The following ZFHX3 variants were observed in gnomAD, a reference collection of about 807,000 sequenced individuals.
ZFHX3 encodes the protein zinc finger homeobox 3.
Under a neutral mutation model 279.1 loss-of-function variants are expected in ZFHX3, and 42 were observed. That is an observed-to-expected ratio of 0.15 (90% CI 0.12 to 0.19). The LOEUF is 0.19. Among genes scored for constraint, ZFHX3 ranks in the 10% least tolerant of loss-of-function variants. The probability of loss-of-function intolerance (pLI) is 1.00; values close to 1 mark genes in which losing one functional copy is unlikely to be tolerated. For missense variants in ZFHX3, 4,981 were observed against 4,754.0 expected, an observed-to-expected ratio of 1.05 and a Z score of -1.40; for synonymous variants, 2,293 against 1,957.8, an observed-to-expected ratio of 1.17 and a Z score of -4.52.
intron 5 of ZFHX3, among the ~76,000 whole-genome samples, chr16:72,813,757 T>C (rs2036527601): frequency 6.6e-6 from 1 of 152,186 alleles, no homozygotes; most frequent in African/African-American, 2.4e-5. Context: ...GACGGCTGGA[T>C]GTTTAATGTG....
At chr16:73,189,103 C>T (rs1967976334) in intron 5 of ZFHX3, among the ~76,000 whole-genome samples, 1 of 152,138 alleles carries the variant, frequency 6.6e-6, no homozygotes, top group African/African-American at 2.4e-5. Flanking sequence ...ACCTTGTGAT[C>T]CACCCAGTTC....
chr16:73,227,066 A>G (rs1417255479), intron 5 of ZFHX3, among the ~76,000 whole-genome samples: 1 of 152,154 alleles, frequency 6.6e-6, no homozygotes, highest in Non-Finnish European at 1.5e-5. Flanking sequence ...TTGCTTTTAC[A>G]CTTTCTGGGA....
chr16:73,067,196 G>A (rs898931861), intron 8 of ZFHX3, among the ~76,000 whole-genome samples: 1 of 152,144 alleles, frequency 6.6e-6, no homozygotes, highest in African/African-American at 2.4e-5. Context: ...ATTCTGTCTG[G>A]GAAGAAAAAA....
intron 8 of ZFHX3, among the ~76,000 whole-genome samples, chr16:73,082,959 G>A (rs1488969263): frequency 6.6e-6 from 1 of 151,038 alleles, no homozygotes; most frequent in African/African-American, 2.5e-5. Flanking sequence ...CGAGGTGGAC[G>A]GATTACTTGA....
In ZFHX3 at chr16:73,189,529, G is replaced by A. The variant is rs534555071; in HGVS notation, c.-1103-45698C>T. Among the ~76,000 whole-genome samples the A allele has an allele frequency of 5.3e-5, 8 of 152,274 alleles. No individual in the cohort carries two copies. The South Asian group carries it at 6.2e-4, about 12-fold the overall frequency. ...TAATTTCCATGGTTCTAAATATGCC[G>A]GCTGCTTATAAAGCAGAAGATTGAT... On this transcript the variant is annotated intron_variant, in intron 5 of 17. Coordinates refer to the ZFHX3 transcript ENST00000641206.
chr16:73,677,885 TA>T (rs1319909927), intron 2 of ZFHX3, among the ~76,000 whole-genome samples: 2 of 151,980 alleles, frequency 1.3e-5, no homozygotes, highest in African/African-American at 4.8e-5. Flanking sequence ...TTCTGGTACA[TA>T]AGGATGAATT....
intron 3 of ZFHX3, among the ~76,000 whole-genome samples, chr16:72,948,874 C>A (rs1401013691): frequency 6.6e-6 from 1 of 152,200 alleles, no homozygotes; most frequent in Non-Finnish European, 1.5e-5. Flanking sequence ...GTTCAGACCT[C>A]CAATTTAAAC....
intron 5 of ZFHX3, among the ~76,000 whole-genome samples, chr16:73,230,942 A>T (rs868661620): frequency 6.6e-5 from 10 of 152,336 alleles, no homozygotes; most frequent in Middle Eastern, 6.8e-3. Flanking sequence ...CTCACTCTAG[A>T]TAGCTATCTC....
intron 1 of ZFHX3, among the ~76,000 whole-genome samples, chr16:73,740,293 T>A (rs142517311): frequency 6.6e-6 from 1 of 152,038 alleles, no homozygotes; most frequent in Non-Finnish European, 1.5e-5. Context: ...TTAACTACCA[T>A]CAAAAACATG....
chr16:73,638,904 T>C (rs2052550482), intron 2 of ZFHX3, among the ~76,000 whole-genome samples: 2 of 152,146 alleles, frequency 1.3e-5, no homozygotes, highest in African/African-American at 4.8e-5. Context: ...GGTCTTGGGG[T>C]ATGGCTTTAA....
chr16:73,619,345 G>A (rs1007737700), intron 2 of ZFHX3, among the ~76,000 whole-genome samples: 3 of 151,722 alleles, frequency 2.0e-5, no homozygotes, highest in Middle Eastern at 3.4e-3. Context: ...AAAATTAGCC[G>A]GGCATGGTGG....
At chr16:73,034,461 C>T (rs756826528) in intron 1 of ZFHX3, among the ~76,000 whole-genome samples, 1 of 152,168 alleles carries the variant, frequency 6.6e-6, no homozygotes, top group Non-Finnish European at 1.5e-5. Context: ...CTAGCCAAAC[C>T]GGAAGCCTGT....
chr16:72,995,937 C>T (rs955621857), intron 1 of ZFHX3, among the ~76,000 whole-genome samples: 21 of 152,220 alleles, frequency 1.4e-4, no homozygotes, highest in Non-Finnish European at 2.9e-4. Flanking sequence ...GCTCAGGAGG[C>T]ACTGTCCTAT....
At chr16:73,658,670 T>A (rs978864292) in intron 2 of ZFHX3, among the ~76,000 whole-genome samples, 4 of 152,178 alleles carry the variant, frequency 2.6e-5, no homozygotes, top group African/African-American at 9.6e-5. Flanking sequence ...ACTCCAAATA[T>A]GGTTACCATT....
intron 1 of ZFHX3, among the ~76,000 whole-genome samples, chr16:73,836,096 A>C (rs547237584): frequency 6.6e-6 from 1 of 152,346 alleles, no homozygotes; most frequent in African/African-American, 2.4e-5. Context: ...TTTAAGCCAG[A>C]ACAAGAGGGG....
chr16:73,027,339 T>G (rs1353049704), intron 1 of ZFHX3, among the ~76,000 whole-genome samples: 1 of 152,192 alleles, frequency 6.6e-6, no homozygotes, highest in Non-Finnish European at 1.5e-5. Flanking sequence ...TATTACAATT[T>G]TAACTCTCCA....
chr16:73,009,997 G>GTAAA (rs1425503334), intron 1 of ZFHX3, among the ~76,000 whole-genome samples: 1 of 145,954 alleles, frequency 6.9e-6, no homozygotes, highest in Non-Finnish European at 1.5e-5. Context: ...CTCCAGCCTG[G>GTAAA]GTTACAGAGC....
At chr16:73,866,652 T>C (rs1962029699) in intron 1 of ZFHX3, among the ~76,000 whole-genome samples, 1 of 152,182 alleles carries the variant, frequency 6.6e-6, no homozygotes, top group Admixed American at 6.5e-5. Context: ...CGGAATAGAT[T>C]TGATTCTTGG....
intron 2 of ZFHX3, among the ~76,000 whole-genome samples, chr16:73,485,006 G>A (rs1873011644): frequency 1.3e-5 from 2 of 152,100 alleles, no homozygotes; most frequent in Admixed American, 1.3e-4. Flanking sequence ...GGTTTGAAGT[G>A]TCCTCAGAGA....
Sources: gnomAD v4.1 joint callset for allele counts (sites outside exome capture counted in the v4.1 genomes callset) on GRCh38, gnomAD v4.1.1 for gene constraint, MANE v1.5 for transcripts, NCBI Gene and HGNC (gene_info 2026-07-23, HGNC 2026-07-21) for gene names.